Variants in HSD17B12 observed in about 807,000 individuals in gnomAD.
HSD17B12 encodes the protein hydroxysteroid 17-beta dehydrogenase 12.
Under a neutral mutation model 39.3 loss-of-function variants are expected in HSD17B12, and 32 were observed. The ratio of observed to expected loss-of-function variants is 0.81; its 90% CI spans 0.61 to 1.09. The LOEUF (loss-of-function observed/expected upper bound fraction) is 1.09, where lower values mean the gene tolerates loss of function less well. Ranked by LOEUF, HSD17B12 falls within the 50% of genes least tolerant of loss-of-function variation. The pLI, the probability that HSD17B12 is intolerant of heterozygous loss-of-function variation, is 0.00. For synonymous variants in HSD17B12, 150 were observed against 146.7 expected, an observed-to-expected ratio of 1.02 and a Z score of -0.16; for missense variants, 342 against 382.9, an observed-to-expected ratio of 0.89 and a Z score of 0.89.
chr11:43,570,947 C>CA, the HSD17B12 span, among the ~76,000 whole-genome samples: 2 of 152,156 alleles, frequency 1.3e-5, no homozygotes, highest in Admixed American at 1.3e-4. Context: ...CCAATAAGTA[C>CA]AAAAAATCTT....
At chr11:43,715,452 G>A (rs1210695203) in intron 1 of HSD17B12, among the ~76,000 whole-genome samples, 1 of 152,168 alleles carries the variant, frequency 6.6e-6, no homozygotes, top group South Asian at 2.1e-4. Context: ...TGTCGAACCA[G>A]CCTTGCATCC....
chr11:43,718,843 G>A, intron 1 of HSD17B12: 1 of 868,186 alleles, frequency 1.2e-6, no homozygotes, highest in East Asian at 2.4e-5. Flanking sequence ...GACTCCGGAA[G>A]CAGCCCAAAT....
intron 1 of HSD17B12, among the ~76,000 whole-genome samples, chr11:43,695,948 G>A (rs1294749985): frequency 2.0e-5 from 3 of 152,070 alleles, no homozygotes; most frequent in Admixed American, 6.6e-5. Flanking sequence ...CATCACCGAG[G>A]TATTAAGCCT....
chr11:43,727,161 C>T lies in HSD17B12; in HGVS notation c.161-23750C>T, dbSNP rs898335429. Among the ~76,000 whole-genome samples, 4 of 152,192 alleles carry T rather than the reference C, an allele frequency of 2.6e-5. No individual in the cohort carries two copies. The East Asian group carries it at 7.7e-4, about 29-fold the overall frequency. ...TAGCATATGGTAGAAAGAACTGAGG[C>T]ATCACAGGCCAAGAGGCCCCCTGAA... On this transcript the variant is annotated intron_variant, in intron 1 of 10. Coordinates refer to ENST00000278353, the MANE Select transcript of HSD17B12 (RefSeq NM_016142.3).
chr11:43,740,416 T>C (rs1950353849), intron 1 of HSD17B12, among the ~76,000 whole-genome samples: 1 of 152,242 alleles, frequency 6.6e-6, no homozygotes. Flanking sequence ...CTATCATAGT[T>C]GCTTTAATAA....
At chr11:43,853,404 C>T (rs189077698) in intron 9 of HSD17B12, 10 of 147,290 alleles carry the variant, frequency 6.8e-5, no homozygotes, top group East Asian at 4.1e-4. Context: ...CTCAGCAGGA[C>T]GGAAATCCAT....
chr11:43,667,917 C>T, the HSD17B12 span, among the ~76,000 whole-genome samples: 1 of 152,134 alleles, frequency 6.6e-6, no homozygotes, highest in East Asian at 1.9e-4. Flanking sequence ...CTTTATGAAA[C>T]TTAAAGTATG....
chr11:43,736,683 T>C (rs1197657295), intron 1 of HSD17B12, among the ~76,000 whole-genome samples: 2 of 152,236 alleles, frequency 1.3e-5, no homozygotes, highest in African/African-American at 4.8e-5. Context: ...TAGAGTGGTC[T>C]TATATTGCAT....
chr11:43,604,096 C>A, the HSD17B12 span, among the ~76,000 whole-genome samples: 1 of 152,166 alleles, frequency 6.6e-6, no homozygotes, highest in South Asian at 2.1e-4. Flanking sequence ...ATTTCAACTA[C>A]ATGGTTCATT....
At chr11:43,668,489 G>T in the HSD17B12 span, among the ~76,000 whole-genome samples, 1 of 151,924 alleles carries the variant, frequency 6.6e-6, no homozygotes, top group Non-Finnish European at 1.5e-5. Flanking sequence ...TCCCACACAA[G>T]GTAACATTCA....
At chr11:43,639,279 C>T in the HSD17B12 span, among the ~76,000 whole-genome samples, 1 of 152,198 alleles carries the variant, frequency 6.6e-6, no homozygotes, top group Admixed American at 6.5e-5. Flanking sequence ...TGCCTAACAG[C>T]ACAGCCCGCC....
At chr11:43,580,760 T>C in the HSD17B12 span, among the ~76,000 whole-genome samples, 2 of 152,048 alleles carry the variant, frequency 1.3e-5, no homozygotes, top group African/African-American at 4.8e-5. Context: ...TGTTCCAGTC[T>C]AGGTTTTGTT....
chr11:43,802,655 T>G (rs1950982776), intron 4 of HSD17B12, among the ~76,000 whole-genome samples: 1 of 152,232 alleles, frequency 6.6e-6, no homozygotes. Context: ...GGCAATGTTC[T>G]GAAACATTTC....
At chr11:43,726,299 G>A (rs2134876808) in intron 1 of HSD17B12, among the ~76,000 whole-genome samples, 1 of 152,222 alleles carries the variant, frequency 6.6e-6, no homozygotes, top group South Asian at 2.1e-4. Flanking sequence ...AGAGATAACT[G>A]GAGAGATAGC....
the HSD17B12 span, among the ~76,000 whole-genome samples, chr11:43,672,337 C>G: frequency 6.6e-6 from 1 of 152,106 alleles, no homozygotes; most frequent in South Asian, 2.1e-4. Flanking sequence ...GCGTGAGCCA[C>G]CGCTCCCGGC....
intron 4 of HSD17B12, among the ~76,000 whole-genome samples, chr11:43,805,522 AATT>A (rs1211478754): frequency 6.6e-6 from 1 of 152,166 alleles, no homozygotes; most frequent in Non-Finnish European, 1.5e-5. Flanking sequence ...ATGTAGTTAG[AATT>A]ATTATCCCCT....
the HSD17B12 span, among the ~76,000 whole-genome samples, chr11:43,605,316 C>T: frequency 6.6e-6 from 1 of 152,030 alleles, no homozygotes; most frequent in African/African-American, 2.4e-5. Context: ...AATCCCAGTG[C>T]TTTGGGAGGC....
In HSD17B12 at chr11:43,741,274, T is replaced by C. The variant is rs1426386046; in HGVS notation, c.161-9637T>C. On this transcript the variant is annotated intron_variant, in intron 1 of 10. Transcript: ENST00000278353. Reference sequence around the variant, plus strand: ...TCCTTTATAAGAAGCAATTAAACAGTAATCAAGTAATCAAGTTTTCTATTA... The same window carrying C: ...TCCTTTATAAGAAGCAATTAAACAGCAATCAAGTAATCAAGTTTTCTATTA... Among the ~76,000 whole-genome samples the C allele has an allele frequency of 3.9e-5, 6 of 152,290 alleles. 1 individual carries two copies. In the Middle Eastern group the frequency reaches 0.014, roughly 345 times the overall value.
chr11:43,589,384 C>G, the HSD17B12 span, among the ~76,000 whole-genome samples: 6 of 152,164 alleles, frequency 3.9e-5, no homozygotes, highest in African/African-American at 1.4e-4. Flanking sequence ...GATATGGTCC[C>G]TACATTTTCT....
Sources: gnomAD v4.1 joint callset for allele counts (sites outside exome capture counted in the v4.1 genomes callset) on GRCh38, gnomAD v4.1.1 for gene constraint, MANE v1.5 for transcripts, NCBI Gene and HGNC (gene_info 2026-07-23, HGNC 2026-07-21) for gene names.